The following SEMA3A variants were observed in gnomAD, a reference collection of about 807,000 sequenced individuals.
SEMA3A encodes the protein semaphorin 3A, also known as semaphorin-3A.
In SEMA3A, 29 loss-of-function variants were observed where a neutral mutation model predicts 97.9. The observed-to-expected ratio is 0.30, with a 90% CI of 0.22 to 0.40. The LOEUF (loss-of-function observed/expected upper bound fraction) is 0.40, where lower values mean the gene tolerates loss of function less well. Ranked by LOEUF, SEMA3A falls within the 10% of genes least tolerant of loss-of-function variation. SEMA3A has a pLI of 1.00. For synonymous variants in SEMA3A, 321 were observed against 323.7 expected, an observed-to-expected ratio of 0.99 and a Z score of 0.09; for missense variants, 763 against 951.3, an observed-to-expected ratio of 0.80 and a Z score of 2.60.
At chr7:84,096,620 T>C (rs889579667) in intron 4 of SEMA3A, among the ~76,000 whole-genome samples, 2 of 152,092 alleles carry the variant, frequency 1.3e-5, no homozygotes, top group African/African-American at 4.8e-5. Flanking sequence ...CTTCTCTAAA[T>C]ACAAGGTGGA....
At chr7:84,389,286 C>T (rs1442856395) in intron 1 of SEMA3A, among the ~76,000 whole-genome samples, 3 of 152,024 alleles carry the variant, frequency 2.0e-5, no homozygotes, top group Non-Finnish European at 4.4e-5. Flanking sequence ...TGAATCTACT[C>T]TTTCTATGCT....
intron 3 of SEMA3A, among the ~76,000 whole-genome samples, chr7:84,286,870 T>C (rs1176657026): frequency 6.6e-6 from 1 of 152,188 alleles, no homozygotes; most frequent in Non-Finnish European, 1.5e-5. Context: ...ATCATGTATT[T>C]CCAAGGATCT....
intron 6 of SEMA3A, among the ~76,000 whole-genome samples, chr7:84,021,861 CAT>C (rs1791341320): frequency 6.6e-6 from 1 of 152,080 alleles, no homozygotes; most frequent in Non-Finnish European, 1.5e-5. Context: ...TCGAGCTTAT[CAT>C]AGACTTGAAA....
intron 15 of SEMA3A, among the ~76,000 whole-genome samples, chr7:83,964,565 A>G (rs1438152872): frequency 1.3e-5 from 2 of 151,970 alleles, no homozygotes; most frequent in Non-Finnish European, 2.9e-5. Flanking sequence ...ATCATCTCCT[A>G]CCCTCATCAT....
intron 3 of SEMA3A, among the ~76,000 whole-genome samples, chr7:84,249,404 T>TATCTATCTATCTATCTATCTATCTATCTA: frequency 6.6e-6 from 1 of 152,068 alleles, no homozygotes; most frequent in Admixed American, 6.6e-5. Context: ...TCTATCTATC[T>TATCTATCTATCTATCTATCTATCTATCTA]ATCTATCTAT....
At chr7:84,424,561 A>G (rs1389948776) in intron 1 of SEMA3A, among the ~76,000 whole-genome samples, 1 of 54,342 alleles carries the variant, frequency 1.8e-5, no homozygotes, top group Non-Finnish European at 2.9e-5. Context: ...TATTATATAT[A>G]ATATATAAAT....
intron 3 of SEMA3A, among the ~76,000 whole-genome samples, chr7:84,216,331 T>G (rs1471122313): frequency 2.6e-5 from 4 of 152,124 alleles, no homozygotes; most frequent in Non-Finnish European, 5.9e-5. Flanking sequence ...GGTCTCAATC[T>G]CCTGACCTCA....
chr7:84,322,304 T>C (rs1217570294), intron 2 of SEMA3A, among the ~76,000 whole-genome samples: 2 of 152,154 alleles, frequency 1.3e-5, no homozygotes, highest in Non-Finnish European at 2.9e-5. Flanking sequence ...TTAATACTTG[T>C]AGAACAAATG....
At chr7:84,380,040 T>C (rs1032552155) in intron 1 of SEMA3A, among the ~76,000 whole-genome samples, 3 of 152,220 alleles carry the variant, frequency 2.0e-5, no homozygotes, top group African/African-American at 4.8e-5. Flanking sequence ...ATGAACTACA[T>C]GGCAATATGA....
chr7:83,955,975 C>A lies in SEMA3A; in HGVS notation c.*5396G>T, dbSNP rs1325172297. The A allele has an allele frequency of 6.6e-6, 1 of 152,102 alleles. No individual in the cohort carries two copies. Among genetic ancestry groups the A allele is most frequent in the African/African-American group, 2.4e-5 (1 of 41,438 alleles). The allele number at this position is 152,102 out of a possible 1,614,324, so 9.4% of individuals were successfully genotyped here. ...TAGATTAAAAGAAAGAAAATCCATT[C>A]TTTTGTTATATGAGAAAAACATGAC... On this transcript the variant is annotated 3_prime_UTR_variant, in exon 17 of 17. Transcript: ENST00000265362.
intron 3 of SEMA3A, among the ~76,000 whole-genome samples, chr7:84,237,438 A>G (rs921724672): frequency 2.6e-5 from 4 of 152,162 alleles, no homozygotes; most frequent in African/African-American, 4.8e-5. Context: ...TTCATAATCA[A>G]TAAAAGAGAA....
rs576642080 is a variant in SEMA3A, at chr7:84,408,097, T to G, written c.-245-36197A>C. Among the ~76,000 whole-genome samples the G allele has an allele frequency of 2.6e-5, 4 of 151,984 alleles. No individual in the cohort carries two copies. In the South Asian group the frequency reaches 8.3e-4, roughly 32 times the overall value. ...ACAGCAAAGAAAACCACCATCAGAG[T>G]GAATAGGCAACCTACAGAATGGGAG... On this transcript the variant is annotated intron_variant, in intron 1 of 3. Coordinates refer to the SEMA3A transcript ENST00000424555.
intron 2 of SEMA3A, among the ~76,000 whole-genome samples, chr7:84,314,564 C>T (rs116030042): frequency 0.034 from 5,166 of 152,128 alleles, 103 homozygotes; most frequent in South Asian, 0.046. Flanking sequence ...CAAAGCTGTC[C>T]ATGATAGACA....
chr7:84,266,955 T>C (rs1029452774), intron 3 of SEMA3A, among the ~76,000 whole-genome samples: 2 of 152,166 alleles, frequency 1.3e-5, no homozygotes, highest in African/African-American at 4.8e-5. Context: ...TCTAGCTTTA[T>C]TTTTTAATAC....
intron 2 of SEMA3A, among the ~76,000 whole-genome samples, chr7:84,313,356 GTATA>G (rs869145201): frequency 0.087 from 1,932 of 22,244 alleles, 47 homozygotes; most frequent in African/African-American, 0.12. Flanking sequence ...ATGTGTGTGT[GTATA>G]TATATATATA....
intron 2 of SEMA3A, among the ~76,000 whole-genome samples, chr7:84,352,994 T>A (rs1562915654): frequency 2.0e-5 from 3 of 151,786 alleles, no homozygotes; most frequent in Admixed American, 6.6e-5. Context: ...AGGGATTGGT[T>A]CAGGACTTCC....
At chr7:84,254,576 T>C (rs568448557) in intron 3 of SEMA3A, among the ~76,000 whole-genome samples, 229 of 152,274 alleles carry the variant, frequency 1.5e-3, no homozygotes, top group Admixed American at 6.1e-3. Context: ...ATTCTAAATA[T>C]TGTACATTTC....
intron 1 of SEMA3A, among the ~76,000 whole-genome samples, chr7:84,185,082 T>C (rs956063747): frequency 2.0e-5 from 3 of 152,132 alleles, no homozygotes; most frequent in African/African-American, 7.2e-5. Context: ...AATTCCCAAT[T>C]AAATGTAAAA....
chr7:84,063,573 A>C (rs1793346330), intron 4 of SEMA3A, among the ~76,000 whole-genome samples: 1 of 150,682 alleles, frequency 6.6e-6, no homozygotes, highest in Non-Finnish European at 1.5e-5. Flanking sequence ...GAAGTGCTTA[A>C]AGGAGCTGAT....
Sources: gnomAD v4.1 joint callset for allele counts (sites outside exome capture counted in the v4.1 genomes callset) on GRCh38, gnomAD v4.1.1 for gene constraint, MANE v1.5 for transcripts, NCBI Gene and HGNC (gene_info 2026-07-23, HGNC 2026-07-21) for gene names.